Variants in ATG4C observed in about 807,000 individuals in gnomAD.
ATG4C encodes cysteine protease ATG4C.
In ATG4C, 56 loss-of-function variants were observed where a neutral mutation model predicts 57.6. The observed-to-expected ratio is 0.97, with a 90% CI of 0.78 to 1.21. The LOEUF (loss-of-function observed/expected upper bound fraction) is 1.21, where lower values mean the gene tolerates loss of function less well. ATG4C is among the 50% of genes most tolerant of loss of function. ATG4C has a pLI of 0.00. For synonymous variants in ATG4C, 157 were observed against 174.1 expected, an observed-to-expected ratio of 0.90 and a Z score of 0.78; for missense variants, 595 against 529.8, an observed-to-expected ratio of 1.12 and a Z score of -1.21.
Position 62,810,638 on chromosome 1 carries a change from A to C in ATG4C, c.160+5383A>C, listed in dbSNP as rs796224940. Among the ~76,000 whole-genome samples the C allele has an allele frequency of 4.6e-5, 7 of 152,152 alleles. 2 individuals are homozygous for C. Among genetic ancestry groups the C allele is most frequent in the African/African-American group, 1.7e-4 (7 of 41,546 alleles). ...CTTACGAAACATCTTGTTTTCTTCC[A>C]AACCACGTGTTCAGACCCACTTTGT... On this transcript the variant is annotated intron_variant, in intron 3 of 10. Transcript: ENST00000317868.
chr1:62,854,839 G>A (rs758139877), intron 10 of ATG4C, among the ~76,000 whole-genome samples: 4 of 152,022 alleles, frequency 2.6e-5, no homozygotes, highest in Non-Finnish European at 5.9e-5. Flanking sequence ...AAGTTTTGCC[G>A]TCTCTTAAGA....
chr1:62,827,944 A>G (rs767044738), intron 6 of ATG4C, among the ~76,000 whole-genome samples: 3 of 152,204 alleles, frequency 2.0e-5, no homozygotes, highest in African/African-American at 4.8e-5. Flanking sequence ...TTTGCTAAGG[A>G]TAATGGCCTC....
chr1:62,816,838 T>G, intron 4 of ATG4C, 30 bp downstream of exon 4: 1 of 1,448,650 alleles, frequency 6.9e-7, no homozygotes, highest in South Asian at 1.4e-5. Context: ...TTGTTTTGTT[T>G]TGTTTTGTTT....
intron 3 of ATG4C, among the ~76,000 whole-genome samples, chr1:62,806,405 T>G (rs1490806658): frequency 6.6e-6 from 1 of 151,918 alleles, no homozygotes; most frequent in African/African-American, 2.4e-5. Context: ...ATACGTATGG[T>G]TGAGCGTATG....
intron 1 of ATG4C, among the ~76,000 whole-genome samples, chr1:62,790,690 T>G (rs1264356962): frequency 1.3e-5 from 2 of 152,234 alleles, no homozygotes; most frequent in Admixed American, 6.5e-5. Flanking sequence ...TATAGAGAAC[T>G]CTAGAACAGT....
chr1:62,797,088 C>T (rs2100286289), intron 1 of ATG4C, among the ~76,000 whole-genome samples: 1 of 151,500 alleles, frequency 6.6e-6, no homozygotes. Context: ...GGGTGGGCAA[C>T]AGAGCAAGAC....
rs770883310 is a variant in ATG4C, at chr1:62,805,241, A to C, written c.146A>C (p.His49Pro). 7.1e-5 allele frequency: 108 copies of C among 1,515,930 alleles called. No homozygotes were observed. The highest frequency in any genetic ancestry group is 9.1e-5 in the Non-Finnish European group (104 of 1,142,854). 93.9% of individuals were successfully genotyped at this position (1,515,930 alleles called of 1,614,324 possible). A position where few individuals can be genotyped will look rare whatever the true frequency, so the allele number is the denominator to read the frequency against. ...SPVLLLGKCY[H>P]FKYEDEDKTL... ...GTATTATTGCTTGGAAAATGTTACC[A>C]TTTTAAATATGAAGGTAAGTACAAA... is the stretch of plus-strand genomic sequence containing the variant. Residue 49 changes from histidine to proline, a missense_variant, in exon 3 of 11, where the codon CAT becomes CCT. Coordinates refer to ENST00000317868, the MANE Select transcript of ATG4C (RefSeq NM_032852.4).
chr1:62,845,036 A>C (rs1448562692), intron 10 of ATG4C, among the ~76,000 whole-genome samples: 1 of 152,026 alleles, frequency 6.6e-6, no homozygotes, highest in Non-Finnish European at 1.5e-5. Context: ...ATATTTGTTT[A>C]ATTACAAATA....
intron 10 of ATG4C, among the ~76,000 whole-genome samples, chr1:62,848,106 T>G (rs1666385065): frequency 6.6e-6 from 1 of 152,180 alleles, no homozygotes; most frequent in Admixed American, 6.5e-5. Context: ...TATAAAAGCC[T>G]CCTATTGTGA....
chr1:62,826,016 T>C (rs1374818245), intron 6 of ATG4C, among the ~76,000 whole-genome samples: 1 of 152,108 alleles, frequency 6.6e-6, no homozygotes, highest in Non-Finnish European at 1.5e-5. Context: ...CAAGCGATTC[T>C]TTTGCCTCAG....
At chr1:62,799,830 C>T (rs1249753996) in intron 1 of ATG4C, among the ~76,000 whole-genome samples, 2 of 151,588 alleles carry the variant, frequency 1.3e-5, no homozygotes, top group African/African-American at 4.8e-5. Context: ...GACTATAATC[C>T]CCCGTTGTGC....
At chr1:62,814,926 G>A (rs902685254) in intron 3 of ATG4C, among the ~76,000 whole-genome samples, 4 of 152,034 alleles carry the variant, frequency 2.6e-5, no homozygotes, top group Admixed American at 6.6e-5. Context: ...TTAGCCTGGC[G>A]TTGTGGTGCA....
intron 10 of ATG4C, among the ~76,000 whole-genome samples, chr1:62,856,426 A>G (rs1557995803): frequency 2.0e-5 from 3 of 152,238 alleles, no homozygotes; most frequent in Non-Finnish European, 4.4e-5. Flanking sequence ...GTTCAATAAT[A>G]ATGATAAAGC....
chr1:62,806,316 C>T (rs1339238449), intron 3 of ATG4C, among the ~76,000 whole-genome samples: 1 of 150,764 alleles, frequency 6.6e-6, no homozygotes, highest in Non-Finnish European at 1.5e-5. Flanking sequence ...TGAAAAGGAC[C>T]AAATTACAGA....
At chr1:62,799,967 C>T (rs1158975580) in intron 1 of ATG4C, among the ~76,000 whole-genome samples, 1 of 151,850 alleles carries the variant, frequency 6.6e-6, no homozygotes, top group Non-Finnish European at 1.5e-5. Flanking sequence ...CACTCTCTGC[C>T]TCCATGGATT....
chr1:62,784,153 CTGA>C lies in ATG4C; in HGVS notation c.-188_-186del, dbSNP rs1486128475. On this transcript the variant is annotated 5_prime_UTR_variant, in exon 1 of 11. Transcript: ENST00000317868. Reference sequence around the variant, plus strand: ...GCTCAAAGTACCTGTAGCTGCGGCGCTGAGGTCGGAACGTCTGCGTGTGTGCGG... The same window carrying C: ...GCTCAAAGTACCTGTAGCTGCGGCGCGGTCGGAACGTCTGCGTGTGTGCGG... 6.5e-6 allele frequency: 1 copy of C among 152,936 alleles called. No individual in the cohort carries two copies. Among genetic ancestry groups the C allele is most frequent in the Non-Finnish European group, 1.5e-5 (1 of 68,272 alleles). 9.5% of individuals were successfully genotyped at this position (152,936 alleles called of 1,614,324 possible). A position where few individuals can be genotyped will look rare whatever the true frequency, so the allele number is the denominator to read the frequency against.
At chr1:62,855,966 A>T (rs1364810205) in intron 10 of ATG4C, among the ~76,000 whole-genome samples, 1 of 152,224 alleles carries the variant, frequency 6.6e-6, no homozygotes, top group East Asian at 1.9e-4. Flanking sequence ...CAGTTTTCAG[A>T]TAGACCCTTA....
At chr1:62,819,369 A>G in intron 5 of ATG4C, 34 bp downstream of exon 5, 1 of 1,515,496 alleles carries the variant, frequency 6.6e-7, no homozygotes, top group Non-Finnish European at 8.9e-7. Context: ...TTCTTGTGAC[A>G]GAGGTCCTCA....
chr1:62,816,057 C>T (rs1332869412), intron 3 of ATG4C, among the ~76,000 whole-genome samples: 4 of 152,138 alleles, frequency 2.6e-5, no homozygotes, highest in African/African-American at 9.7e-5. Flanking sequence ...GCTAAGGTTT[C>T]TTTTAATGCA....
Sources: gnomAD v4.1 joint callset for allele counts (sites outside exome capture counted in the v4.1 genomes callset) on GRCh38, gnomAD v4.1.1 for gene constraint, MANE v1.5 for transcripts, NCBI Gene and HGNC (gene_info 2026-07-23, HGNC 2026-07-21) for gene names.